YAP1: variants seen among roughly 807,000 people sequenced by gnomAD.
YAP1 encodes Yes1 associated transcriptional regulator.
A neutral mutation model predicts 56.9 loss-of-function variants in YAP1; 5 were observed. The observed-to-expected ratio is 0.09, with a 90% CI of 0.05 to 0.18. The LOEUF is 0.18. YAP1 is among the 10% of genes least tolerant of loss of function. The probability of loss-of-function intolerance (pLI) is 1.00; values close to 1 mark genes in which losing one functional copy is unlikely to be tolerated. For synonymous variants in YAP1, 265 were observed against 248.1 expected, an observed-to-expected ratio of 1.07 and a Z score of -0.64; for missense variants, 539 against 651.8, an observed-to-expected ratio of 0.83 and a Z score of 1.88.
chr11:102,204,030 G>C (rs1322074170), intron 4 of YAP1, among the ~76,000 whole-genome samples: 1 of 152,046 alleles, frequency 6.6e-6, no homozygotes, highest in African/African-American at 2.4e-5. Flanking sequence ...TATTCTGAGG[G>C]AGGTTGGTCT....
intron 6 of YAP1, among the ~76,000 whole-genome samples, chr11:102,215,452 T>C (rs1949612676): frequency 6.6e-6 from 1 of 152,194 alleles, no homozygotes; most frequent in Admixed American, 6.6e-5. Context: ...ACTAGGTAGT[T>C]AGCTCCCCAA....
intron 3 of YAP1, among the ~76,000 whole-genome samples, chr11:102,181,248 A>G (rs1222793262): frequency 6.6e-6 from 1 of 151,756 alleles, no homozygotes; most frequent in Non-Finnish European, 1.5e-5. Context: ...GATCGCGACA[A>G]TCCTGGCTAA....
intron 3 of YAP1, among the ~76,000 whole-genome samples, chr11:102,182,022 A>C (rs532160235): frequency 8.2e-4 from 124 of 152,114 alleles, no homozygotes; most frequent in Admixed American, 7.1e-3. Flanking sequence ...GGGTTTCACC[A>C]TGTTAGTCAG....
intron 2 of YAP1, among the ~76,000 whole-genome samples, chr11:102,123,432 CTCTT>C (rs749006689): frequency 1.2e-4 from 18 of 152,092 alleles, no homozygotes; most frequent in East Asian, 9.7e-4. Flanking sequence ...CCCAATTTTT[CTCTT>C]TCTTTATTTG....
In YAP1 at chr11:102,122,731, T is replaced by TA. The variant is rs562194072; in HGVS notation, c.572+8343dup. On this transcript the variant is annotated intron_variant, in intron 2 of 8. Transcript: ENST00000282441. ...CAACATGGTGAAACCCCATCTCTACTAAAAAATAGAAAAATTAGGCAGGCG... is the reference window on the plus strand; with the variant it reads ...CAACATGGTGAAACCCCATCTCTACTAAAAAAATAGAAAAATTAGGCAGGCG... Among the ~76,000 whole-genome samples, 159 of 151,552 alleles carry TA rather than the reference T, an allele frequency of 1.0e-3. 5 individuals carry two copies. In the South Asian group the frequency reaches 0.03, roughly 29 times the overall value.
At chr11:102,119,152 C>T (rs1943497003) in intron 2 of YAP1, among the ~76,000 whole-genome samples, 2 of 151,716 alleles carry the variant, frequency 1.3e-5, no homozygotes, top group Non-Finnish European at 2.9e-5. Context: ...TGGGGGAGAG[C>T]TTACTTCTGC....
At chr11:102,206,146 T>G in intron 5 of YAP1, 72 bp downstream of exon 5, 1 of 1,535,264 alleles carries the variant, frequency 6.5e-7, no homozygotes, top group Non-Finnish European at 8.8e-7. Context: ...CAGATTTCAT[T>G]TTAACATTTA....
chr11:102,145,890 C>G (rs1351369554), intron 2 of YAP1, among the ~76,000 whole-genome samples: 1 of 152,104 alleles, frequency 6.6e-6, no homozygotes, highest in African/African-American at 2.4e-5. Flanking sequence ...GTTTTGATTC[C>G]TGACTGTCTT....
chr11:102,156,853 G>C (rs1260604917), intron 2 of YAP1, among the ~76,000 whole-genome samples: 1 of 152,196 alleles, frequency 6.6e-6, no homozygotes, highest in Non-Finnish European at 1.5e-5. Context: ...TTTCCTTAGG[G>C]AATAATCATT....
intron 2 of YAP1, among the ~76,000 whole-genome samples, chr11:102,138,128 G>A (rs1247931672): frequency 1.3e-5 from 2 of 152,176 alleles, no homozygotes; most frequent in African/African-American, 2.4e-5. Flanking sequence ...CCTGTGATCC[G>A]CCTGCCTTGG....
At chr11:102,152,818 TAAC>T (rs1945738164) in intron 2 of YAP1, among the ~76,000 whole-genome samples, 1 of 152,236 alleles carries the variant, frequency 6.6e-6, no homozygotes, top group Non-Finnish European at 1.5e-5. Flanking sequence ...AAGGGAAACT[TAAC>T]AGCCTTTCTT....
intron 2 of YAP1, among the ~76,000 whole-genome samples, chr11:102,148,058 C>A (rs1281156705): frequency 6.6e-6 from 1 of 152,192 alleles, no homozygotes. Flanking sequence ...TTATGACTAT[C>A]CTTGGTTATT....
intron 2 of YAP1, among the ~76,000 whole-genome samples, chr11:102,115,401 C>T (rs970545842): frequency 6.6e-6 from 1 of 152,082 alleles, no homozygotes; most frequent in Non-Finnish European, 1.5e-5. Flanking sequence ...CCAGATAACA[C>T]CATTAAGGAT....
At chr11:102,132,528 A>G (rs1443859142) in intron 2 of YAP1, among the ~76,000 whole-genome samples, 1 of 152,224 alleles carries the variant, frequency 6.6e-6, no homozygotes, top group Non-Finnish European at 1.5e-5. Context: ...AGTGAGGACT[A>G]TGCATTACAC....
chr11:102,188,081 A>G (rs893248934), intron 4 of YAP1, among the ~76,000 whole-genome samples: 1 of 152,230 alleles, frequency 6.6e-6, no homozygotes, highest in Non-Finnish European at 1.5e-5. Flanking sequence ...CAGCAAATAG[A>G]GACAAGCTGT....
At chr11:102,116,383 A>G (rs73577849) in intron 2 of YAP1, among the ~76,000 whole-genome samples, 1,915 of 152,300 alleles carry the variant, frequency 0.013, 44 homozygotes, top group African/African-American at 0.044. Context: ...ATTTTAGTAC[A>G]TGTAGGAGGT....
At chr11:102,138,389 C>G (rs1356760721) in intron 2 of YAP1, among the ~76,000 whole-genome samples, 1 of 152,186 alleles carries the variant, frequency 6.6e-6, no homozygotes, top group Non-Finnish European at 1.5e-5. Context: ...GTCTCTCACT[C>G]AAATGTCTGG....
Position 102,110,911 on chromosome 11 carries a change from G to A in YAP1, c.63G>A (p.Ser21=), listed in dbSNP as rs1411861175. Residue 21 remains serine, a synonymous_variant, in exon 1 of 9, where the codon TCG becomes TCA. Transcript: ENST00000282441. ...PAPQGQGQPP[S]QPPQGQGPPS... Reference sequence around the variant, plus strand: ...CCCAGGGCCAAGGGCAGCCGCCTTCGCAGCCCCCGCAGGGGCAGGGCCCGC... The same window carrying A: ...CCCAGGGCCAAGGGCAGCCGCCTTCACAGCCCCCGCAGGGGCAGGGCCCGC... 7.0e-7 allele frequency: 1 copy of A among 1,432,266 alleles called. No homozygotes were observed. 88.7% of individuals were successfully genotyped at this position (1,432,266 alleles called of 1,614,324 possible). A position where few individuals can be genotyped will look rare whatever the true frequency, so the allele number is the denominator to read the frequency against.
chr11:102,222,726 G>A (rs564336733), intron 6 of YAP1, among the ~76,000 whole-genome samples: 109 of 152,150 alleles, frequency 7.2e-4, no homozygotes, highest in African/African-American at 2.5e-3. Context: ...CTAGAGGATG[G>A]AACATATTCT....
Sources: allele counts gnomAD v4.1 joint callset (sites outside exome capture counted in the v4.1 genomes callset), GRCh38; gene constraint gnomAD v4.1.1; transcripts MANE v1.5; gene names NCBI Gene and HGNC (gene_info 2026-07-23, HGNC 2026-07-21).